AFG2A: variants seen among roughly 807,000 people sequenced by gnomAD.
AFG2A encodes ATPase family gene 2 protein homolog A.
At chr4:123,119,037 T>C in the AFG2A span, among the ~76,000 whole-genome samples, 1 of 152,158 alleles carries the variant, frequency 6.6e-6, no homozygotes, top group African/African-American at 2.4e-5. Flanking sequence ...CTGAGGTACC[T>C]TGAGTATCCC....
the AFG2A span, among the ~76,000 whole-genome samples, chr4:123,034,714 A>AGT: frequency 2.0e-5 from 3 of 152,150 alleles, no homozygotes; most frequent in Non-Finnish European, 4.4e-5. Flanking sequence ...TAAGGGCAAC[A>AGT]GTGTACATGG....
chr4:123,306,417 G>T, the AFG2A span, among the ~76,000 whole-genome samples: 1 of 152,058 alleles, frequency 6.6e-6, no homozygotes, highest in Non-Finnish European at 1.5e-5. Flanking sequence ...GCATGTCTTC[G>T]TCTAGCTCTG....
chr4:123,170,423 A>G, the AFG2A span, among the ~76,000 whole-genome samples: 6 of 152,346 alleles, frequency 3.9e-5, no homozygotes, highest in Non-Finnish European at 8.8e-5. Context: ...TAAGTATAAC[A>G]GTTTACTCAT....
chr4:123,028,541 A>G, the AFG2A span: 1 of 640,576 alleles, frequency 1.6e-6, no homozygotes, highest in South Asian at 2.0e-5. Context: ...GCAATATAAT[A>G]TAGGGAGATG....
the AFG2A span, chr4:123,057,404 T>C: frequency 2.6e-6 from 3 of 1,139,472 alleles, no homozygotes; most frequent in Non-Finnish European, 2.5e-6. Context: ...ACATTTGGCC[T>C]AAAAAAGTTT....
the AFG2A span, among the ~76,000 whole-genome samples, chr4:123,036,871 C>T: frequency 6.6e-6 from 1 of 152,050 alleles, no homozygotes; most frequent in Non-Finnish European, 1.5e-5. Flanking sequence ...GTAATTAAAA[C>T]CTATTTTCAA....
chr4:122,999,340 T>C, the AFG2A span, among the ~76,000 whole-genome samples: 1 of 152,202 alleles, frequency 6.6e-6, no homozygotes, highest in East Asian at 1.9e-4. Flanking sequence ...ATTTTGGCTT[T>C]TGTTGCCATT....
the AFG2A span, among the ~76,000 whole-genome samples, chr4:123,127,902 G>A: frequency 7.9e-5 from 12 of 152,028 alleles, no homozygotes; most frequent in Non-Finnish European, 1.6e-4. Context: ...TTTTAGATGT[G>A]CTTATTTTCA....
chr4:123,018,302 C>T, the AFG2A span, among the ~76,000 whole-genome samples: 4 of 151,936 alleles, frequency 2.6e-5, no homozygotes, highest in Non-Finnish European at 4.4e-5. Flanking sequence ...AAAATAAGAT[C>T]GGATGCAAAT....
chr4:123,084,765 A>G, the AFG2A span, among the ~76,000 whole-genome samples: 1 of 151,766 alleles, frequency 6.6e-6, no homozygotes, highest in African/African-American at 2.4e-5. Flanking sequence ...ACTAGCTACA[A>G]CTACAGACAT....
the AFG2A span, among the ~76,000 whole-genome samples, chr4:123,025,870 A>T: frequency 6.6e-6 from 1 of 152,198 alleles, no homozygotes; most frequent in African/African-American, 2.4e-5. Context: ...AGTAACATTT[A>T]AAAATATTAA....
chr4:122,954,617 G>A, the AFG2A span, among the ~76,000 whole-genome samples: 1 of 152,236 alleles, frequency 6.6e-6, no homozygotes, highest in Non-Finnish European at 1.5e-5. Flanking sequence ...TTTCCATTTT[G>A]TCATCCTGTT....
the AFG2A span, among the ~76,000 whole-genome samples, chr4:123,241,267 C>T: frequency 6.6e-6 from 1 of 152,192 alleles, no homozygotes; most frequent in Non-Finnish European, 1.5e-5. Flanking sequence ...AAGGAATCCT[C>T]CCTAACTCAT....
chr4:122,923,270 C>G, the AFG2A span: 1 of 1,614,114 alleles, frequency 6.2e-7, no homozygotes, highest in South Asian at 1.1e-5. Context: ...GCGGCAACCT[C>G]CGGGACTCTG....
chr4:123,224,134 T>G, the AFG2A span, among the ~76,000 whole-genome samples: 17,530 of 152,178 alleles, frequency 0.12, 2,926 homozygotes, highest in African/African-American at 0.37. Context: ...TGTTTTGTTT[T>G]TGGGTATCTA....
the AFG2A span, among the ~76,000 whole-genome samples, chr4:123,212,951 T>C: frequency 6.6e-6 from 1 of 152,176 alleles, no homozygotes; most frequent in Non-Finnish European, 1.5e-5. Context: ...GAGCCTGTTA[T>C]ATGGTTACTT....
the AFG2A span, among the ~76,000 whole-genome samples, chr4:123,016,449 G>A: frequency 2.0e-5 from 3 of 151,288 alleles, no homozygotes; most frequent in East Asian, 2.0e-4. Flanking sequence ...AGACGGGGTC[G>A]CGGCCGGGTA....
chr4:123,033,399 CA>C, the AFG2A span, among the ~76,000 whole-genome samples: 1 of 151,944 alleles, frequency 6.6e-6, no homozygotes, highest in African/African-American at 2.4e-5. Context: ...TCATTAATTA[CA>C]CAAAGTTACC....
At chr4:122,993,526 G>T in the AFG2A span, among the ~76,000 whole-genome samples, 4 of 151,950 alleles carry the variant, frequency 2.6e-5, no homozygotes, top group South Asian at 2.1e-4. Flanking sequence ...AGATATTTGT[G>T]TGTAAATCTT....
Sources: gnomAD v4.1 joint callset for allele counts (sites outside exome capture counted in the v4.1 genomes callset) on GRCh38, gnomAD v4.1.1 for gene constraint, MANE v1.5 for transcripts, NCBI Gene and HGNC (gene_info 2026-07-23, HGNC 2026-07-21) for gene names.